ZNF383: variants seen among roughly 807,000 people sequenced by gnomAD.
The protein encoded by ZNF383 is zinc finger protein 383.
In ZNF383, 32 loss-of-function variants were observed where a neutral mutation model predicts 44.2. The ratio of observed to expected loss-of-function variants is 0.72; its 90% CI spans 0.55 to 0.97. ZNF383 has a LOEUF of 0.97. Among genes scored for constraint, ZNF383 ranks in the 50% least tolerant of loss-of-function variants. ZNF383 has a pLI of 0.00. For missense variants in ZNF383, 487 were observed against 562.5 expected, an observed-to-expected ratio of 0.87 and a Z score of 1.36; for synonymous variants, 155 against 186.2, an observed-to-expected ratio of 0.83 and a Z score of 1.36.
Position 37,242,468 on chromosome 19 carries a change from G to T in ZNF383, c.233-1G>T, listed in dbSNP as rs1472908674. 1.3e-6 allele frequency: 2 copies of T among 1,546,096 alleles called. No individual in the cohort carries two copies. Among genetic ancestry groups the T allele is most frequent in the Non-Finnish European group, 1.8e-6 (2 of 1,135,438 alleles). On this transcript the variant is annotated splice_acceptor_variant, in intron 5 of 5. Transcript: ENST00000684119. LOFTEE classifies it high-confidence loss of function. Reference sequence around the variant, plus strand: ...ACATTTACCATTTTATTTTCTTTCAGATCTGGAATCGATGTGTGAAACCAA... The same window carrying T: ...ACATTTACCATTTTATTTTCTTTCATATCTGGAATCGATGTGTGAAACCAA...
Position 37,243,764 on chromosome 19 carries a change from A to T in ZNF383, c.*100A>T. On this transcript the variant is annotated 3_prime_UTR_variant, in exon 6 of 6. Transcript: ENST00000684119. ...GTTTTTTTTAAAACTTTGTATTTAA[A>T]TTTTGTATCCAAATGTATTTCATTC... is the stretch of plus-strand genomic sequence containing the variant. The T allele has an allele frequency of 2.5e-6, 2 of 793,730 alleles. No individual in the cohort carries two copies. Among genetic ancestry groups the T allele is most frequent in the East Asian group, 5.5e-5 (2 of 36,410 alleles). The allele number at this position is 793,730 out of a possible 1,614,324, so 49.2% of individuals were successfully genotyped here.
rs1568532581 is a variant in ZNF383, at chr19:37,242,501, T to C, written c.265T>C (p.Ser89Pro). ...ATCGATGTGTGAAACCAAGTTATTA[T>C]CTCTAAAGAAGGAAGTTTATGAAAT... is the stretch of plus-strand genomic sequence containing the variant. ...LESMCETKLL[S>P]LKKEVYEIEL... is the part of the protein sequence containing the mutation. The change falls in exon 6 of 6, where the codon TCT becomes CCT. Residue 89 changes from serine (S) to proline (P), a missense_variant. Physicochemically the swap from Ser to Pro is moderately conservative, Grantham distance 74 (BLOSUM62 -1). Transcript: ENST00000684119. 6.2e-7 allele frequency: 1 copy of C among 1,605,496 alleles called. No homozygotes were observed. The highest frequency in any genetic ancestry group is 2.2e-5 in the East Asian group (1 of 44,742).
intron 1 of ZNF383, among the ~76,000 whole-genome samples, chr19:37,223,875 T>C (rs931048756): frequency 6.6e-5 from 10 of 151,344 alleles, no homozygotes; most frequent in African/African-American, 2.4e-4. Context: ...CTACTAAAAA[T>C]ACAAAAAAAA....
At position 37,243,166 on chromosome 19, in the gene ZNF383, TG is replaced by T; in HGVS notation, c.931del (p.Glu311AsnfsTer131). On this transcript the variant is annotated frameshift_variant, in exon 6 of 6. Coordinates refer to ENST00000684119, the MANE Select transcript of ZNF383 (RefSeq NM_001387601.1). LOFTEE classifies it high-confidence loss of function. ...ARIHTGEKPY[E>X]CKECGKAFTQ... ...GAATTCATACAGGTGAGAAACCCTA[TG>T]AATGTAAGGAATGTGGCAAAGCCTT... The T allele has an allele frequency of 6.2e-7, 1 of 1,614,186 alleles. No individual in the cohort carries two copies. The highest frequency in any genetic ancestry group is 8.5e-7 in the Non-Finnish European group (1 of 1,180,030).
In ZNF383 at chr19:37,243,029, T is replaced by TA; in HGVS notation, c.794dup (p.Tyr265Ter). ...ECKECGKAFSYCSNLIDHQRI... is the reference protein window; with the variant it reads ...ECKECGKAFS ...TAAGGAATGTGGGAAGGCCTTTAGT[T>TA]ATTGCTCAAATCTTATTGACCATCA... The change falls in exon 6 of 6, where the codon TAT becomes TAAT. Residue 265 changes from tyrosine to a stop codon, truncating the protein, a stop_gained and frameshift_variant. Coordinates refer to ENST00000684119, the MANE Select transcript of ZNF383 (RefSeq NM_001387601.1). LOFTEE classifies it high-confidence loss of function. 6.2e-7 allele frequency: 1 copy of TA among 1,610,484 alleles called. No individual in the cohort carries two copies.
At position 37,243,688 on chromosome 19, in the gene ZNF383, T is replaced by C. The variant is rs776068823; in HGVS notation, c.*24T>C. ...AATAAAAATTAAAGCCCCTGTCACC[T>C]TCCTCATATTTTAAACCAAAAATCA... On this transcript the variant is annotated 3_prime_UTR_variant, in exon 6 of 6. Coordinates refer to ENST00000684119, the MANE Select transcript of ZNF383 (RefSeq NM_001387601.1). 23 of 1,437,848 alleles carry C rather than the reference T, an allele frequency of 1.6e-5. No homozygotes were observed. Among genetic ancestry groups the C allele is most frequent in the African/African-American group, 2.8e-5 (2 of 70,596 alleles). The allele number at this position is 1,437,848 out of a possible 1,614,324, so 89.1% of individuals were successfully genotyped here.
intron 2 of ZNF383, among the ~76,000 whole-genome samples, chr19:37,225,487 A>G (rs1005135589): frequency 6.6e-6 from 1 of 152,188 alleles, no homozygotes; most frequent in African/African-American, 2.4e-5. Context: ...AATTATAACT[A>G]TTAAGCTACA....
intron 2 of ZNF383, among the ~76,000 whole-genome samples, chr19:37,229,454 C>A (rs982750842): frequency 2.0e-5 from 3 of 147,672 alleles, no homozygotes; most frequent in African/African-American, 7.5e-5. Flanking sequence ...GCCACTGCAC[C>A]CAGCTTTTTT....
intron 5 of ZNF383, among the ~76,000 whole-genome samples, chr19:37,240,324 C>A (rs1974023564): frequency 6.6e-6 from 1 of 152,150 alleles, no homozygotes. Context: ...GAAATTGTTT[C>A]ATAATACCTG....
intron 1 of ZNF383, among the ~76,000 whole-genome samples, chr19:37,221,214 A>G (rs1972903041): frequency 6.6e-6 from 1 of 152,234 alleles, no homozygotes; most frequent in South Asian, 2.1e-4. Context: ...GTATTCTAAC[A>G]CATGGTCATT....
At position 37,243,902 on chromosome 19, in the gene ZNF383, C is replaced by T. The variant is rs1040830846; in HGVS notation, c.*238C>T. The T allele has an allele frequency of 3.6e-4, 141 of 387,336 alleles. No individual in the cohort carries two copies. The highest frequency in any genetic ancestry group is 5.5e-4 in the South Asian group (8 of 14,616). The allele number at this position is 387,336 out of a possible 1,614,324, so 24.0% of individuals were successfully genotyped here. ...TTGTTTTGTTCTACTTTCTTGGTGA[C>T]ACATTATACTCATGTTTATATTTGC... On this transcript the variant is annotated 3_prime_UTR_variant, in exon 6 of 6. Transcript: ENST00000684119.
chr19:37,243,413 C>T lies in ZNF383; in HGVS notation c.1177C>T (p.Pro393Ser). 6.2e-7 allele frequency: 1 copy of T among 1,614,136 alleles called. No homozygotes were observed. ...TCAGAGAATTCACGCTGGTGAGAAA[C>T]CCTTTGAATGTCTTGAATGTGGGAA... ...QHQRIHAGEK[P>S]FECLECGKAF... Residue 393 changes from proline to serine, a missense_variant, in exon 6 of 6, where the codon CCC (proline) becomes TCC (serine). By Grantham distance (74) the Pro-to-Ser change is moderately conservative. Transcript: ENST00000684119.
intron 5 of ZNF383, among the ~76,000 whole-genome samples, chr19:37,238,853 C>T (rs1362096104): frequency 6.6e-6 from 1 of 152,110 alleles, no homozygotes; most frequent in Non-Finnish European, 1.5e-5. Flanking sequence ...TCTAGGGGTT[C>T]CTAACTTTGG....
At chr19:37,230,329 G>C (rs1973421985) in intron 2 of ZNF383, 80 bp from the exon 3 acceptor site, 1 of 956,636 alleles carries the variant, frequency 1.0e-6, no homozygotes, top group African/African-American at 1.6e-5. Flanking sequence ...TATGGAGGTG[G>C]TTTTATCTGA....
rs1447148582 is a variant in ZNF383 at position 37,242,567 on chromosome 19, G to A, written c.331G>A (p.Gly111Ser). The change falls in exon 6 of 6, where the codon GGC becomes AGC. Residue 111 changes from glycine to serine, a missense_variant. By Grantham distance (56) the Gly-to-Ser change is moderately conservative. Transcript: ENST00000684119. Reference protein sequence around the residue: ...QREIMGLTKHGLEYSSFGDVL... With the variant: ...QREIMGLTKHSLEYSSFGDVL... ...GGAGATAATGGGACTTACAAAGCATGGCCTTGAGTACTCCAGTTTTGGAGA... is the reference window on the plus strand; with the variant it reads ...GGAGATAATGGGACTTACAAAGCATAGCCTTGAGTACTCCAGTTTTGGAGA... 25 of 1,613,830 alleles carry A rather than the reference G, an allele frequency of 1.5e-5. No individual in the cohort carries two copies. Among genetic ancestry groups the A allele is most frequent in the Non-Finnish European group, 1.9e-5 (23 of 1,179,894 alleles).
rs150244799 is a variant in ZNF383, at chr19:37,220,928, A to G, written c.-168+2654A>G. Among the ~76,000 whole-genome samples the G allele has an allele frequency of 6.3e-3, 966 of 152,298 alleles. 27 individuals carry two copies. The highest frequency in any genetic ancestry group is 0.052 in the East Asian group (271 of 5,182). On this transcript the variant is annotated intron_variant, in intron 1 of 5. Coordinates refer to ENST00000684119, the MANE Select transcript of ZNF383 (RefSeq NM_001387601.1). ...TGTTGTTTTGAGTCTTGCCTTTCTTATAAAATACTATATTTGTTAGCCTCA... is the reference window on the plus strand; with the variant it reads ...TGTTGTTTTGAGTCTTGCCTTTCTTGTAAAATACTATATTTGTTAGCCTCA...
intron 2 of ZNF383, chr19:37,227,850 A>T (rs1462603694): frequency 6.6e-6 from 1 of 152,206 alleles, no homozygotes; most frequent in Non-Finnish European, 1.5e-5. Context: ...TTTTAAATGT[A>T]TTTTAAAGAC....
At chr19:37,237,555 T>A (rs140876014) in intron 5 of ZNF383, among the ~76,000 whole-genome samples, 75 of 152,312 alleles carry the variant, frequency 4.9e-4, no homozygotes, top group African/African-American at 1.7e-3. Context: ...TTCTGAAGCC[T>A]ACATTCTAGA....
At position 37,247,355 on chromosome 19, in the gene ZNF383, A is replaced by G. The variant is rs1974406312; in HGVS notation, c.*3691A>G. On this transcript the variant is annotated 3_prime_UTR_variant, in exon 6 of 6. Transcript: ENST00000684119. Reference sequence around the variant, plus strand: ...GTGAAATAAGGATGACAAATAAACAATATTGTATATGAGAAATTGAAATGG... The same window carrying G: ...GTGAAATAAGGATGACAAATAAACAGTATTGTATATGAGAAATTGAAATGG... 2 of 152,234 alleles carry G rather than the reference A, an allele frequency of 1.3e-5. No homozygotes were observed. Among genetic ancestry groups the G allele is most frequent in the South Asian group, 4.1e-4 (2 of 4,834 alleles). The allele number at this position is 152,234 out of a possible 1,614,324, so 9.4% of individuals were successfully genotyped here.
Sources: allele counts gnomAD v4.1 joint callset (sites outside exome capture counted in the v4.1 genomes callset), GRCh38; gene constraint gnomAD v4.1.1; transcripts MANE v1.5; gene names NCBI Gene and HGNC (gene_info 2026-07-23, HGNC 2026-07-21).